AP3B2: variants seen among roughly 807,000 people sequenced by gnomAD.
AP3B2 encodes the protein adaptor related protein complex 3 subunit beta 2.
AP3B2 carries 50 observed loss-of-function variants against 126.9 expected under a neutral mutation model. That is an observed-to-expected ratio of 0.39 (90% confidence interval 0.31 to 0.50). The LOEUF (loss-of-function observed/expected upper bound fraction) is 0.50, where lower values mean the gene tolerates loss of function less well. Ranked by LOEUF, AP3B2 falls within the 20% of genes least tolerant of loss-of-function variation. AP3B2 has a pLI of 0.79. For missense variants in AP3B2, 1,177 were observed against 1,426.4 expected, an observed-to-expected ratio of 0.83 and a Z score of 2.82; for synonymous variants, 541 against 565.0, an observed-to-expected ratio of 0.96 and a Z score of 0.60.
chr15:82,698,004 C>G (rs1046226287), intron 1 of AP3B2: 1 of 152,712 alleles, frequency 6.5e-6, no homozygotes, highest in Non-Finnish European at 1.5e-5. Context: ...GAGCTGGGCA[C>G]CAGCTTCCCT....
chr15:82,665,380 C>T lies in AP3B2; in HGVS notation c.1971+77G>A. On this transcript the variant is annotated intron_variant, in intron 16 of 26. Coordinates refer to ENST00000535359, the MANE Select transcript of AP3B2 (RefSeq NM_001278512.2). The surrounding 1 kb of genome is among the most constrained non-coding windows in gnomAD (Gnocchi z 4.4). ...TCCCTACTGTCTGCCCCCACCAACACACACACACACACACACACACACACA... is the reference window on the plus strand; with the variant it reads ...TCCCTACTGTCTGCCCCCACCAACATACACACACACACACACACACACACA... 1 of 37,466 alleles carries T rather than the reference C, an allele frequency of 2.7e-5. No homozygotes were observed. Among genetic ancestry groups the T allele is most frequent in the Non-Finnish European group, 4.8e-5 (1 of 20,890 alleles). The allele number at this position is 37,466 out of a possible 1,614,324, so 2.3% of individuals were successfully genotyped here.
chr15:82,659,820 T>C lies in AP3B2; in HGVS notation c.3155+25A>G, dbSNP rs766361930. ...AAACCAGGGCCCCCATGCTCATCATTTCCCCTCTACTGGTGGCCTAGTACC... is the reference window on the plus strand; with the variant it reads ...AAACCAGGGCCCCCATGCTCATCATCTCCCCTCTACTGGTGGCCTAGTACC... On this transcript the variant is annotated intron_variant, in intron 26 of 26. Transcript: ENST00000535359. The C allele has an allele frequency of 8.1e-6, 13 of 1,612,088 alleles. No homozygotes were observed. The Admixed American group carries it at 2.2e-4, about 27-fold the overall frequency.
intron 1 of AP3B2, among the ~76,000 whole-genome samples, chr15:82,693,181 TC>T (rs1157287471): frequency 9.1e-6 from 1 of 109,984 alleles, no homozygotes; most frequent in Non-Finnish European, 1.9e-5. Context: ...AATAAGAATC[TC>T]CCCCCGCCCC....
chr15:82,660,953 A>T (rs1195230281), intron 25 of AP3B2, among the ~76,000 whole-genome samples: 2 of 152,064 alleles, frequency 1.3e-5, no homozygotes, highest in Non-Finnish European at 2.9e-5. Flanking sequence ...TCCCTCCTTT[A>T]GCAATGACCC....
chr15:82,682,009 CCA>C (rs1346466938), intron 4 of AP3B2, among the ~76,000 whole-genome samples: 1 of 150,502 alleles, frequency 6.6e-6, no homozygotes, highest in Admixed American at 6.6e-5. Flanking sequence ...TGCTGTTCTT[CCA>C]CAGTGTTTAA....
intron 1 of AP3B2, among the ~76,000 whole-genome samples, chr15:82,690,756 C>T (rs2048516205): frequency 6.8e-6 from 1 of 147,422 alleles, no homozygotes; most frequent in Non-Finnish European, 1.5e-5. Flanking sequence ...TGGGTTCATG[C>T]CATTCTCCTG....
intron 21 of AP3B2, 40 bp from the exon 22 acceptor site, chr15:82,663,273 G>A: frequency 6.6e-7 from 1 of 1,517,180 alleles, no homozygotes; most frequent in Admixed American, 1.8e-5. Context: ...CAAAGTGGAG[G>A]TGGCTTGGGT....
chr15:82,673,844 C>T (rs1367742899), intron 14 of AP3B2, among the ~76,000 whole-genome samples: 1 of 152,202 alleles, frequency 6.6e-6, no homozygotes, highest in Non-Finnish European at 1.5e-5. Flanking sequence ...CTTCTATTCA[C>T]TGTAAAGGCG....
rs1314824288 is a variant in AP3B2 at position 82,680,239 on chromosome 15, G to A, written c.1056-10C>T. The A allele has an allele frequency of 2.5e-6, 4 of 1,613,504 alleles. No homozygotes were observed. The highest frequency in any genetic ancestry group is 3.4e-6 in the Non-Finnish European group (4 of 1,179,802). On this transcript the variant is annotated splice_polypyrimidine_tract_variant and intron_variant, in intron 8 of 26. Transcript: ENST00000535359. This position sits in a 1 kb window ranked among gnomAD's most constrained non-coding sequence, Gnocchi z 6.1. ...AACGTACTGCACCTCACTGCGGAGAGGACGGGTCAGAGCACCCCGGGCCCC... is the reference window on the plus strand; with the variant it reads ...AACGTACTGCACCTCACTGCGGAGAAGACGGGTCAGAGCACCCCGGGCCCC...
intron 1 of AP3B2, among the ~76,000 whole-genome samples, chr15:82,696,711 T>G (rs937980366): frequency 4.6e-5 from 7 of 152,206 alleles, no homozygotes; most frequent in African/African-American, 1.7e-4. Context: ...TTGCTCCCCA[T>G]TCTGTGTGTG....
chr15:82,664,963 G>T lies in AP3B2; in HGVS notation c.2029-20C>A. On this transcript the variant is annotated intron_variant, in intron 17 of 26. Transcript: ENST00000535359. This position sits in a 1 kb window ranked among gnomAD's most constrained non-coding sequence, Gnocchi z 4.5. ...AGGTACCTGGAGATGGGGGTAGGGT[G>T]CAGGGTCATTTCATCATGGTTGGGG... The T allele has an allele frequency of 6.4e-7, 1 of 1,555,480 alleles. No individual in the cohort carries two copies. Among genetic ancestry groups the T allele is most frequent in the Non-Finnish European group, 8.8e-7 (1 of 1,135,662 alleles).
Position 82,681,279 on chromosome 15 carries a change from C to G in AP3B2, c.522-101G>C. 6.6e-7 allele frequency: 1 copy of G among 1,517,218 alleles called. No individual in the cohort carries two copies. The highest frequency in any genetic ancestry group is 9.0e-7 in the Non-Finnish European group (1 of 1,115,894). The allele number at this position is 1,517,218 out of a possible 1,614,324, so 94.0% of individuals were successfully genotyped here. A position where few individuals can be genotyped will look rare whatever the true frequency, so the allele number is the denominator to read the frequency against. On this transcript the variant is annotated intron_variant, in intron 5 of 26. Coordinates refer to ENST00000535359, the MANE Select transcript of AP3B2 (RefSeq NM_001278512.2). The surrounding 1 kb of genome is among the most constrained non-coding windows in gnomAD (Gnocchi z 4.0). ...CCTCCTGCACCCCAGCCTTATTGTT[C>G]TCCTCCATCTCTGTCAGTCCCCCAA... is the stretch of plus-strand genomic sequence containing the variant.
chr15:82,670,179 G>A (rs1455963834), intron 14 of AP3B2, among the ~76,000 whole-genome samples: 36 of 132,072 alleles, frequency 2.7e-4, no homozygotes, highest in African/African-American at 1.0e-3. Flanking sequence ...GCGCGATCTT[G>A]GCTCACTGCA....
intron 1 of AP3B2, among the ~76,000 whole-genome samples, chr15:82,702,874 G>A (rs866563178): frequency 2.0e-5 from 3 of 152,046 alleles, no homozygotes; most frequent in Admixed American, 6.6e-5. Flanking sequence ...TAATGACCTC[G>A]GGTCCTCAGA....
chr15:82,662,974 G>A (rs2047980626), intron 22 of AP3B2, 52 bp from the exon 23 acceptor site: 4 of 1,571,632 alleles, frequency 2.5e-6, no homozygotes, highest in Non-Finnish European at 2.6e-6. Context: ...GAGAGAGCCT[G>A]TCCCAGCATT....
intron 3 of AP3B2, 31 bp downstream of exon 3, chr15:82,689,127 G>A: frequency 6.2e-7 from 1 of 1,611,830 alleles, no homozygotes; most frequent in Non-Finnish European, 8.5e-7. Flanking sequence ...GGGAGGTGGG[G>A]ACAAGCAATC....
At chr15:82,675,976 C>T (rs1439039271) in intron 14 of AP3B2, among the ~76,000 whole-genome samples, 1 of 152,158 alleles carries the variant, frequency 6.6e-6, no homozygotes, top group Non-Finnish European at 1.5e-5. Context: ...CTGTGTATCT[C>T]TTATAACCTT....
At chr15:82,688,016 TCACCTGAGCTCAGGGAAGTC>T in intron 4 of AP3B2, 1 of 159,900 alleles carries the variant, frequency 6.3e-6, no homozygotes, top group Non-Finnish European at 1.4e-5. Flanking sequence ...GGTGGGAGAA[TCACCTGAGCTCAGGGAAGTC>T]GAGGCTCCAG....
At chr15:82,677,895 A>G in intron 11 of AP3B2, 92 bp from the exon 12 acceptor site, 1 of 1,461,390 alleles carries the variant, frequency 6.8e-7, no homozygotes, top group Admixed American at 2.3e-5. Context: ...ATGGCTTATC[A>G]TGCCGGTGAC....
Sources: gnomAD v4.1 joint callset for allele counts (sites outside exome capture counted in the v4.1 genomes callset) on GRCh38, gnomAD v4.1.1 for gene constraint, Gnocchi (gnomAD v3.1) non-coding constraint, MANE v1.5 for transcripts, NCBI Gene and HGNC (gene_info 2026-07-23, HGNC 2026-07-21) for gene names.